Variants in PLEKHH2 observed in about 807,000 individuals in gnomAD.
PLEKHH2 encodes the protein pleckstrin homology, MyTH4 and FERM domain containing H2, also known as pleckstrin homology domain-containing family H member 2.
PLEKHH2 carries 129 observed loss-of-function variants against 187.9 expected under a neutral mutation model. The ratio of observed to expected loss-of-function variants is 0.69; its 90% CI spans 0.59 to 0.79. The LOEUF (loss-of-function observed/expected upper bound fraction) is 0.79. Ranked by LOEUF, PLEKHH2 falls within the 30% of genes least tolerant of loss-of-function variation. The pLI, the probability that PLEKHH2 is intolerant of heterozygous loss-of-function variation, is 0.00. For synonymous variants in PLEKHH2, 686 were observed against 605.6 expected, an observed-to-expected ratio of 1.13 and a Z score of -1.95; for missense variants, 2,076 against 1,751.2, an observed-to-expected ratio of 1.19 and a Z score of -3.31.
chr2:43,645,056 A>G lies in PLEKHH2; in HGVS notation c.123+260A>G, dbSNP rs138735727. On this transcript the variant is annotated intron_variant, in intron 2 of 29. Coordinates refer to ENST00000282406, the MANE Select transcript of PLEKHH2 (RefSeq NM_172069.4). The stretch of plus-strand genomic sequence containing the variant: ...GTTCATTCATTCCAGAGAGAAAGCT[A>G]TAATTTATTTGATTTTATTAGAGGA... 3.9e-5 allele frequency among the ~76,000 whole-genome samples: 6 copies of G among 152,252 alleles called. No individual in the cohort carries two copies. The South Asian group carries it at 8.3e-4, about 21-fold the overall frequency.
In PLEKHH2 at chr2:43,764,265, C is replaced by A. The variant is rs1234705691; in HGVS notation, c.4196C>A (p.Thr1399Asn). 1.3e-6 allele frequency: 2 copies of A among 1,577,962 alleles called. No individual in the cohort carries two copies. The highest frequency in any genetic ancestry group is 1.7e-6 in the Non-Finnish European group (2 of 1,158,844). ...AGCTATGTGTACAAGAGTCTAATGACCTTTGGAGGCTATCAAGATGATTTT... is the reference window on the plus strand; with the variant it reads ...AGCTATGTGTACAAGAGTCTAATGAACTTTGGAGGCTATCAAGATGATTTT... The part of the protein sequence containing the change: ...IVSYVYKSLM[T>N]FGGYQDDFMV... The change falls in exon 29 of 30, where the codon ACC becomes AAC. Residue 1399 changes from threonine to asparagine, a missense_variant. By Grantham distance (65) the Thr-to-Asn change is moderately conservative. Transcript: ENST00000282406.
At chr2:43,731,660 T>A in intron 19 of PLEKHH2, 58 bp downstream of exon 19, 6 of 1,107,010 alleles carry the variant, frequency 5.4e-6, no homozygotes, top group Non-Finnish European at 7.5e-6. Context: ...TGTTGTTAAA[T>A]AATTGGAAAA....
intron 11 of PLEKHH2, among the ~76,000 whole-genome samples, chr2:43,709,401 T>C (rs1356132133): frequency 6.6e-6 from 1 of 152,234 alleles, no homozygotes; most frequent in Admixed American, 6.5e-5. Flanking sequence ...TATATGTCAA[T>C]GTGTAAATAC....
intron 9 of PLEKHH2, among the ~76,000 whole-genome samples, chr2:43,704,728 A>G (rs1030216802): frequency 6.6e-6 from 1 of 151,088 alleles, no homozygotes; most frequent in African/African-American, 2.4e-5. Context: ...TTTTCCCACA[A>G]TAAAAAAAGT....
Position 43,766,321 on chromosome 2 carries a change from C to T in PLEKHH2, c.*723C>T, listed in dbSNP as rs1672619641. The T allele has an allele frequency of 6.5e-6, 1 of 152,726 alleles. No homozygotes were observed. Among genetic ancestry groups the T allele is most frequent in the Admixed American group, 6.5e-5 (1 of 15,284 alleles). 9.5% of individuals were successfully genotyped at this position (152,726 alleles called of 1,614,324 possible). ...CTGCCCAGATTCAGAAGAATATTGC[C>T]CACATTTCACTGTATTTGGTGCTGG... is the stretch of plus-strand genomic sequence containing the variant. On this transcript the variant is annotated 3_prime_UTR_variant, in exon 30 of 30. Transcript: ENST00000282406.
At chr2:43,726,147 TA>T in intron 16 of PLEKHH2, 124 bp from the exon 17 acceptor site, 1 of 613,486 alleles carries the variant, frequency 1.6e-6, no homozygotes, top group Non-Finnish European at 2.5e-6. Flanking sequence ...AAAAGGAAAA[TA>T]AAAAATAAAG....
At position 43,720,747 on chromosome 2, in the gene PLEKHH2, A is replaced by G. The variant is rs761221663; in HGVS notation, c.2539A>G (p.Lys847Glu). The stretch of plus-strand genomic sequence containing the variant: ...ATATTATTTTCGGAGTCAAGAAGAT[A>G]AGGTATGTATGTATTTTTAATATGC... The part of the protein sequence containing the change: ...TLYYFRSQED[K>E]FPLGQIKLWE... Residue 847 changes from lysine to glutamate, a missense_variant and splice_region_variant, in exon 16 of 30, where the codon AAG (lysine) becomes GAG (glutamate). Coordinates refer to ENST00000282406, the MANE Select transcript of PLEKHH2 (RefSeq NM_172069.4). 8.7e-6 allele frequency: 14 copies of G among 1,608,268 alleles called. No homozygotes were observed. In the South Asian group the frequency reaches 1.6e-4, roughly 18 times the overall value.
intron 15 of PLEKHH2, among the ~76,000 whole-genome samples, chr2:43,718,955 C>G (rs1043540203): frequency 6.6e-6 from 1 of 152,144 alleles, no homozygotes; most frequent in Non-Finnish European, 1.5e-5. Context: ...TTTGAAAGCC[C>G]AAAGGCTGAC....
chr2:43,702,781 A>C (rs1669445983), intron 8 of PLEKHH2, among the ~76,000 whole-genome samples: 1 of 152,086 alleles, frequency 6.6e-6, no homozygotes, highest in Non-Finnish European at 1.5e-5. Flanking sequence ...ATTGAACTGG[A>C]ATACCATGCA....
At chr2:43,738,197 A>G in intron 19 of PLEKHH2, 144 bp from the exon 20 acceptor site, 1 of 619,464 alleles carries the variant, frequency 1.6e-6, no homozygotes, top group Non-Finnish European at 2.5e-6. Context: ...GCGATTCCAG[A>G]TTTCTTTTGA....
At chr2:43,763,461 C>A (rs971419947) in intron 28 of PLEKHH2, among the ~76,000 whole-genome samples, 3 of 151,858 alleles carry the variant, frequency 2.0e-5, no homozygotes, top group African/African-American at 7.3e-5. Flanking sequence ...ATTCTGTCGC[C>A]CAGACTGAAG....
intron 15 of PLEKHH2, among the ~76,000 whole-genome samples, chr2:43,715,126 A>G (rs77691676): frequency 0.037 from 5,604 of 152,194 alleles, 358 homozygotes; most frequent in African/African-American, 0.13. Context: ...AAATACAAAA[A>G]TTAACCAGGC....
intron 15 of PLEKHH2, among the ~76,000 whole-genome samples, chr2:43,717,170 C>A (rs186734748): frequency 6.6e-6 from 1 of 152,238 alleles, no homozygotes; most frequent in East Asian, 1.9e-4. Context: ...GTAATCCCAG[C>A]ACTTTGGGAG....
chr2:43,667,871 T>G (rs187818066), intron 2 of PLEKHH2, among the ~76,000 whole-genome samples: 2 of 152,330 alleles, frequency 1.3e-5, no homozygotes, highest in Admixed American at 6.5e-5. Context: ...GTGCTAATAG[T>G]TCCACAACTC....
At chr2:43,746,902 G>A (rs574088150) in intron 24 of PLEKHH2, among the ~76,000 whole-genome samples, 13 of 151,792 alleles carry the variant, frequency 8.6e-5, no homozygotes, top group East Asian at 1.9e-4. Context: ...CCCGGGAGGC[G>A]GAGCTTGCAG....
At chr2:43,690,245 T>G (rs1668728025) in intron 3 of PLEKHH2, among the ~76,000 whole-genome samples, 1 of 152,242 alleles carries the variant, frequency 6.6e-6, no homozygotes, top group Non-Finnish European at 1.5e-5. Context: ...GATACAGATC[T>G]TTGTCCTTCA....
rs573222900 is a variant in PLEKHH2, at chr2:43,670,161, A to T, written c.124-8702A>T. Among the ~76,000 whole-genome samples the T allele has an allele frequency of 1.3e-3, 201 of 152,318 alleles. 2 individuals are homozygous for T. The highest frequency in any genetic ancestry group is 4.7e-3 in the African/African-American group (194 of 41,582). ...AGGCAAAAACAAAAACATGACCTTT[A>T]TATCATTAGGAGAATAAAATTATGT... On this transcript the variant is annotated intron_variant, in intron 2 of 29. Transcript: ENST00000282406.
chr2:43,720,627 A>C, intron 15 of PLEKHH2, 42 bp from the exon 16 acceptor site: 1 of 1,599,892 alleles, frequency 6.3e-7, no homozygotes, highest in Non-Finnish European at 8.5e-7. Context: ...AAGGTGTCAG[A>C]GTTCTGGGCT....
chr2:43,647,771 A>T (rs2104336919), intron 2 of PLEKHH2, among the ~76,000 whole-genome samples: 1 of 152,244 alleles, frequency 6.6e-6, no homozygotes, highest in Non-Finnish European at 1.5e-5. Context: ...AAATGGATGC[A>T]GGCCCAAGGG....
Sources: gnomAD v4.1 joint callset for allele counts (sites outside exome capture counted in the v4.1 genomes callset) on GRCh38, gnomAD v4.1.1 for gene constraint, MANE v1.5 for transcripts, NCBI Gene and HGNC (gene_info 2026-07-23, HGNC 2026-07-21) for gene names.